WDR49: variants seen among roughly 807,000 people sequenced by gnomAD.
WDR49 encodes WD repeat domain 49.
A neutral mutation model predicts 119.5 loss-of-function variants in WDR49; 107 were observed. The observed-to-expected ratio is 0.90, with a 90% CI of 0.77 to 1.05. The LOEUF is 1.05. WDR49 is among the 50% of genes least tolerant of loss of function. WDR49 has a pLI of 0.00. For synonymous variants in WDR49, 425 were observed against 418.8 expected, an observed-to-expected ratio of 1.01 and a Z score of -0.18; for missense variants, 1,240 against 1,220.5, an observed-to-expected ratio of 1.02 and a Z score of -0.24.
chr3:167,555,219 C>T (rs975032448), intron 9 of WDR49, among the ~76,000 whole-genome samples: 20 of 151,964 alleles, frequency 1.3e-4, no homozygotes, highest in Admixed American at 1.2e-3. Context: ...GTCAATCAAC[C>T]CTGTGTAATG....
chr3:167,532,212 G>A (rs1304696879), intron 12 of WDR49, among the ~76,000 whole-genome samples: 2 of 152,084 alleles, frequency 1.3e-5, no homozygotes, highest in Non-Finnish European at 2.9e-5. Context: ...GCCTCTATGA[G>A]TTTATTCAGT....
At chr3:167,558,644 T>G (rs1288464174) in intron 9 of WDR49, among the ~76,000 whole-genome samples, 1 of 152,202 alleles carries the variant, frequency 6.6e-6, no homozygotes, top group Non-Finnish European at 1.5e-5. Context: ...TAAACATGGC[T>G]CTTACCAAGT....
intron 10 of WDR49, among the ~76,000 whole-genome samples, chr3:167,551,655 G>T (rs182870816): frequency 6.6e-6 from 1 of 151,854 alleles, no homozygotes; most frequent in Non-Finnish European, 1.5e-5. Context: ...GTAAAATAAG[G>T]TTGCTAATAC....
At chr3:167,546,553 C>T (rs1229212437) in intron 10 of WDR49, among the ~76,000 whole-genome samples, 4 of 151,838 alleles carry the variant, frequency 2.6e-5, no homozygotes, top group African/African-American at 9.7e-5. Flanking sequence ...ACACACTCCA[C>T]ATTTGCCACC....
chr3:167,601,349 AT>A, intron 7 of WDR49, among the ~76,000 whole-genome samples: 1 of 152,330 alleles, frequency 6.6e-6, no homozygotes, highest in South Asian at 2.1e-4. Context: ...ATATTTGCAT[AT>A]ATTTTAGCAT....
intron 7 of WDR49, among the ~76,000 whole-genome samples, chr3:167,597,019 A>G (rs1314992294): frequency 1.3e-5 from 2 of 151,828 alleles, no homozygotes; most frequent in African/African-American, 2.4e-5. Flanking sequence ...AGAAATTTAC[A>G]TAAGTAACAA....
At chr3:167,518,378 C>T (rs1014969677) in intron 16 of WDR49, among the ~76,000 whole-genome samples, 1 of 152,128 alleles carries the variant, frequency 6.6e-6, no homozygotes, top group Non-Finnish European at 1.5e-5. Flanking sequence ...TATTTCTCCA[C>T]ATCCTCTCCG....
At chr3:167,522,036 G>GA (rs1460967150) in intron 16 of WDR49, among the ~76,000 whole-genome samples, 1 of 150,110 alleles carries the variant, frequency 6.7e-6, no homozygotes, top group Non-Finnish European at 1.5e-5. Context: ...TGAAGAAAGG[G>GA]GCAAATTTTC....
At chr3:167,548,905 A>G (rs1387246482) in intron 10 of WDR49, among the ~76,000 whole-genome samples, 5 of 151,874 alleles carry the variant, frequency 3.3e-5, no homozygotes, top group African/African-American at 1.2e-4. Context: ...AAGTGTTCTC[A>G]TTGTTCAATT....
Position 167,522,498 on chromosome 3 carries a change from A to T in WDR49, c.2605-14T>A, listed in dbSNP as rs1752488137. Reference sequence around the variant, plus strand: ...CCAGTGCTTTGCCTGAAAAAAACGAAAACATCTGTTTTATTTTTATGAAAT... The same window carrying T: ...CCAGTGCTTTGCCTGAAAAAAACGATAACATCTGTTTTATTTTTATGAAAT... On this transcript the variant is annotated splice_polypyrimidine_tract_variant and intron_variant, in intron 15 of 18. Coordinates refer to ENST00000682715, the MANE Select transcript of WDR49 (RefSeq NM_001366157.1). The T allele has an allele frequency of 1.3e-6, 2 of 1,585,542 alleles. No homozygotes were observed.
At chr3:167,635,900 A>G (rs1457948811) in intron 2 of WDR49, among the ~76,000 whole-genome samples, 1 of 151,730 alleles carries the variant, frequency 6.6e-6, no homozygotes, top group East Asian at 1.9e-4. Context: ...TCAGTCAACA[A>G]ATGTTTATTA....
intron 10 of WDR49, among the ~76,000 whole-genome samples, chr3:167,538,105 T>C (rs181140941): frequency 1.1e-4 from 17 of 152,260 alleles, no homozygotes; most frequent in Admixed American, 9.2e-4. Flanking sequence ...CTCTATCCAC[T>C]CAAACTGGCT....
chr3:167,636,004 T>C (rs1391898922), intron 2 of WDR49, among the ~76,000 whole-genome samples: 1 of 151,724 alleles, frequency 6.6e-6, no homozygotes, highest in African/African-American at 2.4e-5. Flanking sequence ...AAAGAGGTGG[T>C]ATTTGGTTAC....
chr3:167,595,197 CA>C (rs1428753822), intron 7 of WDR49, among the ~76,000 whole-genome samples: 5 of 152,190 alleles, frequency 3.3e-5, no homozygotes, highest in Admixed American at 2.6e-4. Context: ...AACTACAAAC[CA>C]CTGCTCAACA....
At chr3:167,539,389 C>A (rs945089158) in intron 10 of WDR49, among the ~76,000 whole-genome samples, 2 of 151,900 alleles carry the variant, frequency 1.3e-5, no homozygotes, top group Non-Finnish European at 1.5e-5. Flanking sequence ...CTATGAATTT[C>A]TTTTTACACA....
chr3:167,619,708 T>C (rs1230360612), intron 5 of WDR49, among the ~76,000 whole-genome samples: 1 of 152,160 alleles, frequency 6.6e-6, no homozygotes, highest in Admixed American at 6.5e-5. Flanking sequence ...TTCTTTTCAG[T>C]GGGCATTCTT....
chr3:167,608,161 A>C (rs1716153126), intron 5 of WDR49, among the ~76,000 whole-genome samples: 2 of 152,306 alleles, frequency 1.3e-5, no homozygotes, highest in African/African-American at 4.8e-5. Flanking sequence ...TCATTCAGGA[A>C]GCAGCCTCAC....
In WDR49 at chr3:167,589,961, A is replaced by T. The variant is rs531493819; in HGVS notation, c.1275+12166T>A. 3.3e-5 allele frequency among the ~76,000 whole-genome samples: 5 copies of T among 152,212 alleles called. No homozygotes were observed. In the South Asian group the frequency reaches 6.2e-4, roughly 19 times the overall value. ...GACTTACAGTACTATATTGAATAAC[A>T]TAGTGGGCATTCTTCAGATCTTAGA... On this transcript the variant is annotated intron_variant, in intron 7 of 18. Transcript: ENST00000682715.
intron 2 of WDR49, among the ~76,000 whole-genome samples, chr3:167,636,985 C>T (rs1015633220): frequency 7.9e-5 from 12 of 151,820 alleles, no homozygotes; most frequent in African/African-American, 4.8e-5. Flanking sequence ...TATGCAAAAG[C>T]TCTTTAGTTT....
Sources: gnomAD v4.1 joint callset for allele counts (sites outside exome capture counted in the v4.1 genomes callset) on GRCh38, gnomAD v4.1.1 for gene constraint, MANE v1.5 for transcripts, NCBI Gene and HGNC (gene_info 2026-07-23, HGNC 2026-07-21) for gene names.